SLC7A14: variants seen among roughly 807,000 people sequenced by gnomAD.
SLC7A14 encodes solute carrier family 7 member 14, also known as gamma-aminobutyric acid transporter SLC7A14.
In SLC7A14, 37 loss-of-function variants were observed where a neutral mutation model predicts 60.2. The observed-to-expected ratio is 0.61, with a 90% CI of 0.47 to 0.81. The LOEUF (loss-of-function observed/expected upper bound fraction) is 0.81, where lower values mean the gene tolerates loss of function less well. Among genes scored for constraint, SLC7A14 ranks in the 30% least tolerant of loss-of-function variants. SLC7A14 has a pLI of 0.00. For synonymous variants in SLC7A14, 399 were observed against 395.8 expected (o/e 1.01, Z -0.10); for missense variants, 886 against 982.7 (o/e 0.90, Z 1.32).
intron 2 of SLC7A14, among the ~76,000 whole-genome samples, chr3:170,508,331 T>C (rs1712850876): frequency 6.6e-6 from 1 of 152,228 alleles, no homozygotes; most frequent in Non-Finnish European, 1.5e-5. Context: ...TACAGTTTCA[T>C]GCAGGCCTCT....
rs1413944296 is a variant in SLC7A14 at position 170,465,529 on chromosome 3, G to T, written c.*1526C>A. 6.6e-6 allele frequency: 1 copy of T among 152,240 alleles called. No individual in the cohort carries two copies. Among genetic ancestry groups the T allele is most frequent in the African/African-American group, 2.4e-5 (1 of 41,464 alleles). The allele number at this position is 152,240 out of a possible 1,614,324, so 9.4% of individuals were successfully genotyped here. ...GGCATGAGCCTCAGCCTTTCAGAAA[G>T]AACAGACTTGAGTGCTAGCGAATAT... On this transcript the variant is annotated 3_prime_UTR_variant, in exon 8 of 8. Coordinates refer to ENST00000231706, the MANE Select transcript of SLC7A14 (RefSeq NM_020949.3).
intron 4 of SLC7A14, chr3:170,496,576 T>G: frequency 6.3e-7 from 1 of 1,598,398 alleles, no homozygotes; most frequent in Non-Finnish European, 8.6e-7. Context: ...AACGTCAAAC[T>G]GGCCCTGGAC....
intron 4 of SLC7A14, among the ~76,000 whole-genome samples, chr3:170,494,455 G>A (rs901928871): frequency 6.6e-6 from 1 of 152,230 alleles, no homozygotes; most frequent in Non-Finnish European, 1.5e-5. Context: ...GATTGAGGAA[G>A]GATGTGGAGC....
intron 1 of SLC7A14, among the ~76,000 whole-genome samples, chr3:170,537,201 A>G (rs1295753590): frequency 6.6e-6 from 1 of 152,166 alleles, no homozygotes; most frequent in Non-Finnish European, 1.5e-5. Flanking sequence ...CGGAAGTTCC[A>G]GGGACAGTCT....
rs1268444112 is a variant in SLC7A14 at position 170,585,554 on chromosome 3, A to T, written c.-153+357T>A. On this transcript the variant is annotated intron_variant, in intron 1 of 7. Transcript: ENST00000231706. This position sits in a 1 kb window ranked among gnomAD's most constrained non-coding sequence, Gnocchi z 5.1. Reference sequence around the variant, plus strand: ...GTCTGCCGAGACCTAGGCTGCCCGCATTCCGCTCGCGGCTCCCCTTCTGCC... The same window carrying T: ...GTCTGCCGAGACCTAGGCTGCCCGCTTTCCGCTCGCGGCTCCCCTTCTGCC... Among the ~76,000 whole-genome samples, 1 of 152,032 alleles carries T rather than the reference A, an allele frequency of 6.6e-6. No homozygotes were observed. The highest frequency in any genetic ancestry group is 1.5e-5 in the Non-Finnish European group (1 of 67,996).
At chr3:170,557,308 C>T (rs540661305) in intron 1 of SLC7A14, among the ~76,000 whole-genome samples, 2 of 152,064 alleles carry the variant, frequency 1.3e-5, no homozygotes, top group Non-Finnish European at 2.9e-5. Flanking sequence ...AACCTCACAG[C>T]AATGGGCAGT....
rs1403438412 is a variant in SLC7A14 at position 170,500,972 on chromosome 3, A to G, written c.541+137T>C. ...AGGATGGATAGATTCATAGAGAAAG[A>G]ATTACTTTGCAAAAGAAAAAGAGAG... is the stretch of plus-strand genomic sequence containing the variant. On this transcript the variant is annotated intron_variant, in intron 3 of 7. Coordinates refer to ENST00000231706, the MANE Select transcript of SLC7A14 (RefSeq NM_020949.3). 57 of 745,618 alleles carry G rather than the reference A, an allele frequency of 7.6e-5. 1 individual carries two copies. The highest frequency in any genetic ancestry group is 1.2e-4 in the Non-Finnish European group (52 of 442,248). The allele number at this position is 745,618 out of a possible 1,614,324, so 46.2% of individuals were successfully genotyped here.
Position 170,490,078 on chromosome 3 carries a change from ATAACT to A in SLC7A14, c.760-3715_760-3711del, listed in dbSNP as rs200536000. Among the ~76,000 whole-genome samples, 1,096 of 152,348 alleles carry A rather than the reference ATAACT, an allele frequency of 7.2e-3. 13 individuals carry two copies. Among genetic ancestry groups the A allele is most frequent in the African/African-American group, 0.025 (1,031 of 41,566 alleles). On this transcript the variant is annotated intron_variant, in intron 4 of 7. Transcript: ENST00000231706. ...GTCAGTAATAATTGTACATTTTAAA[ATAACT>A]TAAAGAGTGTAATTGGATTGGTTAT...
chr3:170,549,431 T>C (rs1714275698), intron 1 of SLC7A14, among the ~76,000 whole-genome samples: 1 of 152,064 alleles, frequency 6.6e-6, no homozygotes, highest in African/African-American at 2.4e-5. Flanking sequence ...GCCAGGATGG[T>C]CTCAATCTCC....
chr3:170,492,216 A>C (rs1297828084), intron 4 of SLC7A14, among the ~76,000 whole-genome samples: 2 of 152,210 alleles, frequency 1.3e-5, no homozygotes, highest in African/African-American at 4.8e-5. Context: ...AGGGGTGAGC[A>C]TCTGTGAATA....
At chr3:170,548,530 T>A (rs1714243391) in intron 1 of SLC7A14, among the ~76,000 whole-genome samples, 1 of 152,218 alleles carries the variant, frequency 6.6e-6, no homozygotes, top group Non-Finnish European at 1.5e-5. Context: ...CTGCTGCTTC[T>A]GTTTTATTCT....
At position 170,498,791 on chromosome 3, in the gene SLC7A14, C is replaced by T. The variant is rs751443289; in HGVS notation, c.635G>A (p.Gly212Asp). 1 of 1,614,024 alleles carries T rather than the reference C, an allele frequency of 6.2e-7. No homozygotes were observed. Among genetic ancestry groups the T allele is most frequent in the African/African-American group, 1.3e-5 (1 of 74,898 alleles). Reference protein sequence around the residue: ...IVALGVKNSIGFNNVLNVLNL... With the variant: ...IVALGVKNSIDFNNVLNVLNL... ...CAGCACATTGAGAACATTGTTGAAG[C>T]CTATGGAATTCTTCACCCCCAGAGC... Residue 212 changes from glycine (G) to aspartate (D), a missense_variant, in exon 4 of 8, where the codon GGC becomes GAC. Physicochemically the swap from Gly to Asp is moderately conservative, Grantham distance 94. Transcript: ENST00000231706.
intron 1 of SLC7A14, among the ~76,000 whole-genome samples, chr3:170,529,949 A>G (rs890467643): frequency 3.3e-5 from 5 of 152,196 alleles, no homozygotes; most frequent in East Asian, 1.9e-4. Context: ...ATTCTTCCTC[A>G]TAGCTCTAAG....
Position 170,535,061 on chromosome 3 carries a change from C to T in SLC7A14, c.-152-7973G>A, listed in dbSNP as rs1299128380. On this transcript the variant is annotated intron_variant, in intron 1 of 7. Coordinates refer to ENST00000231706, the MANE Select transcript of SLC7A14 (RefSeq NM_020949.3). The surrounding 1 kb of genome is among the most constrained non-coding windows in gnomAD (Gnocchi z 4.3). ...GGAGGGTATCACAGTTTGACATCACCTTCTCCTCTCCTTTTCCATGGACCT... is the reference window on the plus strand; with the variant it reads ...GGAGGGTATCACAGTTTGACATCACTTTCTCCTCTCCTTTTCCATGGACCT... Among the ~76,000 whole-genome samples the T allele has an allele frequency of 5.9e-5, 9 of 152,082 alleles. No homozygotes were observed. Among genetic ancestry groups the T allele is most frequent in the Non-Finnish European group, 4.4e-5 (3 of 68,028 alleles).
chr3:170,490,678 G>A (rs544526212), intron 4 of SLC7A14, among the ~76,000 whole-genome samples: 3 of 152,354 alleles, frequency 2.0e-5, no homozygotes, highest in African/African-American at 7.2e-5. Context: ...ACACATGGGA[G>A]TGACTGGCTT....
chr3:170,495,329 G>C (rs1712348778), intron 4 of SLC7A14, among the ~76,000 whole-genome samples: 1 of 152,182 alleles, frequency 6.6e-6, no homozygotes, highest in South Asian at 2.1e-4. Context: ...AAAATGGTGA[G>C]GACATTTTCC....
chr3:170,488,716 A>T (rs2108273427), intron 4 of SLC7A14, among the ~76,000 whole-genome samples: 1 of 152,352 alleles, frequency 6.6e-6, no homozygotes, highest in African/African-American at 2.4e-5. Context: ...TTGAAGACTT[A>T]AATCTAAGAT....
At chr3:170,543,751 C>CTTT in intron 1 of SLC7A14, among the ~76,000 whole-genome samples, 1 of 136,744 alleles carries the variant, frequency 7.3e-6, no homozygotes, top group South Asian at 2.3e-4. Flanking sequence ...TTCTTTCTTT[C>CTTT]TTTTTTTTTT....
chr3:170,534,719 C>A (rs1487037336), intron 1 of SLC7A14, among the ~76,000 whole-genome samples: 1 of 152,006 alleles, frequency 6.6e-6, no homozygotes, highest in Admixed American at 6.5e-5. Context: ...CATCTGCTTC[C>A]AACACCAGGC....
Sources: gnomAD v4.1 joint callset for allele counts (sites outside exome capture counted in the v4.1 genomes callset) on GRCh38, gnomAD v4.1.1 for gene constraint, Gnocchi (gnomAD v3.1) non-coding constraint, MANE v1.5 for transcripts, NCBI Gene and HGNC (gene_info 2026-07-23, HGNC 2026-07-21) for gene names.